The following ATAD5 variants were observed in gnomAD, a reference collection of about 807,000 sequenced individuals.
ATAD5 encodes ATPase family AAA domain containing 5, also known as ATPase family AAA domain-containing protein 5.
Under a neutral mutation model 176.9 loss-of-function variants are expected in ATAD5, and 58 were observed. The observed-to-expected ratio is 0.33, with a 90% confidence interval of 0.27 to 0.41. The LOEUF (loss-of-function observed/expected upper bound fraction) is 0.41, where lower values mean the gene tolerates loss of function less well. ATAD5 is among the 10% of genes least tolerant of loss of function. The pLI, the probability that ATAD5 is intolerant of heterozygous loss-of-function variation, is 1.00. For missense variants in ATAD5, 1,789 were observed against 2,094.1 expected, an observed-to-expected ratio of 0.85 and a Z score of 2.84; for synonymous variants, 640 against 712.6, an observed-to-expected ratio of 0.90 and a Z score of 1.62.
chr17:30,866,586 G>A (rs1007590405), intron 11 of ATAD5, among the ~76,000 whole-genome samples: 3 of 151,734 alleles, frequency 2.0e-5, no homozygotes, highest in South Asian at 2.1e-4. Flanking sequence ...AAGCTGAGGC[G>A]GGCAGATCAC....
chr17:30,856,089 C>T (rs1445755586), intron 7 of ATAD5, among the ~76,000 whole-genome samples: 2 of 152,120 alleles, frequency 1.3e-5, no homozygotes, highest in Admixed American at 6.6e-5. Context: ...TTTTGATAAA[C>T]TCATTTTCAC....
In ATAD5 at chr17:30,892,807, T is replaced by G; in HGVS notation, c.4440+19T>G. On this transcript the variant is annotated intron_variant, in intron 20 of 22. Coordinates refer to ENST00000321990, the MANE Select transcript of ATAD5 (RefSeq NM_024857.5). The stretch of plus-strand genomic sequence containing the variant: ...TTTAAAGGTATTTTCAATGTCTGTT[T>G]TGCAATGTTGAATTTATATTCCTTT... 1 of 1,493,332 alleles carries G rather than the reference T, an allele frequency of 6.7e-7. No homozygotes were observed. Among genetic ancestry groups the G allele is most frequent in the East Asian group, 2.4e-5 (1 of 42,268 alleles). The allele number at this position is 1,493,332 out of a possible 1,614,324, so 92.5% of individuals were successfully genotyped here.
chr17:30,846,464 G>A lies in ATAD5; in HGVS notation c.2450+1548G>A, dbSNP rs574095222. ...TGTCACTAGGCTGGAGTGCAGTGGCGTGATCTCGGCTCACTGCAACCTCTG... is the reference window on the plus strand; with the variant it reads ...TGTCACTAGGCTGGAGTGCAGTGGCATGATCTCGGCTCACTGCAACCTCTG... On this transcript the variant is annotated intron_variant, in intron 6 of 22. Transcript: ENST00000321990. Among the ~76,000 whole-genome samples, 11 of 149,174 alleles carry A rather than the reference G, an allele frequency of 7.4e-5. No individual in the cohort carries two copies. In the East Asian group the frequency reaches 2.2e-3, roughly 29 times the overall value.
chr17:30,834,199 A>G lies in ATAD5; in HGVS notation c.118A>G (p.Thr40Ala). 1 of 1,591,140 alleles carries G rather than the reference A, an allele frequency of 6.3e-7. No homozygotes were observed. The highest frequency in any genetic ancestry group is 8.5e-7 in the Non-Finnish European group (1 of 1,173,214). Residue 40 changes from threonine (T) to alanine (A), a missense_variant, in exon 2 of 23, where the codon ACA becomes GCA. Thr to Ala is a moderately conservative substitution (Grantham distance 58, BLOSUM62 0). This residue lies in a region of ATAD5 where 696 missense variants were observed against 712.5 expected (regional missense o/e 0.98). Coordinates refer to ENST00000321990, the MANE Select transcript of ATAD5 (RefSeq NM_024857.5). The stretch of plus-strand genomic sequence containing the variant: ...TGACACATCTACCTGCAAAACAATT[A>G]CAAAATATTTATCACCACTAGGGAA... ...DDDTSTCKTI[T>A]KYLSPLGKTR... is the part of the protein sequence containing the mutation.
At chr17:30,832,450 C>T (rs1170123019) in intron 1 of ATAD5, 37 bp downstream of exon 1, 5 of 1,488,538 alleles carry the variant, frequency 3.4e-6, no homozygotes. Context: ...GTTCCTTCCT[C>T]TATCTTTTGG....
chr17:30,844,141 A>ATTTT (rs1174787966), intron 5 of ATAD5, 102 bp downstream of exon 5: 1 of 1,043,680 alleles, frequency 9.6e-7, no homozygotes, highest in Non-Finnish European at 1.3e-6. Context: ...TTATTTATTT[A>ATTTT]TTTTTGAGAC....
Position 30,836,047 on chromosome 17 carries a change from A to G in ATAD5, c.1966A>G (p.Arg656Gly). The G allele has an allele frequency of 6.3e-7, 1 of 1,580,370 alleles. No individual in the cohort carries two copies. Among genetic ancestry groups the G allele is most frequent in the Non-Finnish European group, 8.6e-7 (1 of 1,166,904 alleles). The change falls in exon 2 of 23, where the codon AGA (arginine) becomes GGA (glycine). Residue 656 changes from arginine to glycine, a missense_variant and splice_region_variant. This residue lies in a region of ATAD5 where 487 missense variants were observed against 573.6 expected (regional missense o/e 0.85). Coordinates refer to ENST00000321990, the MANE Select transcript of ATAD5 (RefSeq NM_024857.5). ...TVPFDSESPIRMKFTRISTPK... is the reference protein window; with the variant it reads ...TVPFDSESPIGMKFTRISTPK... ...ACCCTTTGATTCAGAGAGCCCTATT[A>G]GGTAAGGTTTGTTTTTGTTCTAACG... is the stretch of plus-strand genomic sequence containing the variant.
intron 1 of ATAD5, 54 bp downstream of exon 1, chr17:30,832,467 G>T: frequency 7.0e-7 from 1 of 1,429,160 alleles, no homozygotes; most frequent in Non-Finnish European, 9.3e-7. Context: ...TTGGGGGATT[G>T]GAAGGTGGGT....
At chr17:30,837,407 C>T in intron 3 of ATAD5, 93 bp downstream of exon 3, 1 of 814,662 alleles carries the variant, frequency 1.2e-6, no homozygotes, top group East Asian at 2.9e-5. Context: ...AGTAATGAGC[C>T]AAAATAAAAT....
intron 6 of ATAD5, among the ~76,000 whole-genome samples, chr17:30,854,462 C>T (rs1242504311): frequency 6.7e-6 from 1 of 149,740 alleles, no homozygotes; most frequent in African/African-American, 2.5e-5. Flanking sequence ...ACCTCTGCCC[C>T]CTGGGTTTAA....
intron 3 of ATAD5, among the ~76,000 whole-genome samples, chr17:30,839,580 CTT>C (rs1250741925): frequency 1.4e-4 from 16 of 112,188 alleles, no homozygotes; most frequent in Admixed American, 2.8e-4. Flanking sequence ...CGGCCATCTT[CTT>C]TTTTTTTTTT....
chr17:30,835,648 A>G lies in ATAD5; in HGVS notation c.1567A>G (p.Arg523Gly), dbSNP rs1905693094. ...QYQNRMSLRQRKTEFFKSSTL... is the reference protein window; with the variant it reads ...QYQNRMSLRQGKTEFFKSSTL... ...TCAAAATAGAATGAGTTTAAGACAA[A>G]GGAAAACAGAGTTTTTCAAAAGCAG... The change falls in exon 2 of 23, where the codon AGG (arginine) becomes GGG (glycine). Residue 523 changes from arginine to glycine, a missense_variant. Transcript: ENST00000321990. 4 of 1,604,064 alleles carry G rather than the reference A, an allele frequency of 2.5e-6. No homozygotes were observed. The highest frequency in any genetic ancestry group is 3.4e-6 in the Non-Finnish European group (4 of 1,177,064).
intron 7 of ATAD5, 111 bp from the exon 8 acceptor site, chr17:30,856,844 T>A: frequency 1.0e-6 from 1 of 1,004,762 alleles, no homozygotes; most frequent in Non-Finnish European, 1.4e-6. Flanking sequence ...GTTTTTGGTA[T>A]GTTTGTGTTA....
At chr17:30,889,690 C>G (rs1311484226) in intron 19 of ATAD5, among the ~76,000 whole-genome samples, 1 of 151,716 alleles carries the variant, frequency 6.6e-6, no homozygotes, top group African/African-American at 2.4e-5. Flanking sequence ...GACATGGTTC[C>G]TTGCCTGAAG....
Position 30,835,759 on chromosome 17 carries a change from A to G in ATAD5, c.1678A>G (p.Lys560Glu), listed in dbSNP as rs746521098. ...LKVSSLCNNN[K>E]LSRKTSIPVK... The stretch of plus-strand genomic sequence containing the variant: ...GGTTTCCTCTCTGTGTAACAATAAT[A>G]AATTGTCAAGAAAAACCAGCATACC... Residue 560 changes from lysine to glutamate, a missense_variant, in exon 2 of 23, where the codon AAA becomes GAA. Transcript: ENST00000321990. The G allele has an allele frequency of 1.2e-6, 2 of 1,613,650 alleles. No homozygotes were observed. The highest frequency in any genetic ancestry group is 2.2e-5 in the South Asian group (2 of 90,886).
At chr17:30,886,843 A>T (rs1406280667) in intron 18 of ATAD5, among the ~76,000 whole-genome samples, 2 of 152,044 alleles carry the variant, frequency 1.3e-5, no homozygotes, top group East Asian at 3.8e-4. Context: ...TAGTATTCAT[A>T]TTTATAATTT....
chr17:30,895,246 T>C lies in ATAD5; in HGVS notation c.*333T>C, dbSNP rs1446685668. 1 of 167,322 alleles carries C rather than the reference T, an allele frequency of 6.0e-6. No homozygotes were observed. Among genetic ancestry groups the C allele is most frequent in the Non-Finnish European group, 1.3e-5 (1 of 78,532 alleles). The allele number at this position is 167,322 out of a possible 1,614,324, so 10.4% of individuals were successfully genotyped here. On this transcript the variant is annotated 3_prime_UTR_variant, in exon 23 of 23. Transcript: ENST00000321990. ...ATTATATATTAGCTTAATATTCAGA[T>C]ACATTATCTTGGCTGCTAACATTAG... is the stretch of plus-strand genomic sequence containing the variant.
intron 6 of ATAD5, among the ~76,000 whole-genome samples, chr17:30,850,546 C>T (rs1486671526): frequency 6.6e-6 from 1 of 151,518 alleles, no homozygotes; most frequent in Non-Finnish European, 1.5e-5. Context: ...TTGGTAGAGA[C>T]AAGTTGTTGC....
chr17:30,880,014 C>A (rs1908916841), intron 18 of ATAD5, among the ~76,000 whole-genome samples: 1 of 150,984 alleles, frequency 6.6e-6, no homozygotes, highest in Admixed American at 6.6e-5. Context: ...ATCAATCAAT[C>A]AATAAGGCCA....
Sources: gnomAD v4.1 joint callset for allele counts (sites outside exome capture counted in the v4.1 genomes callset) on GRCh38, gnomAD v4.1.1 for gene constraint, gnomAD v4.1.1 regional missense constraint, MANE v1.5 for transcripts, NCBI Gene and HGNC (gene_info 2026-07-23, HGNC 2026-07-21) for gene names.